VPS13B: variants seen among roughly 807,000 people sequenced by gnomAD.
VPS13B encodes vacuolar protein sorting 13 homolog B, also known as intermembrane lipid transfer protein VPS13B.
In VPS13B, 285 loss-of-function variants were observed where a neutral mutation model predicts 426.4. That is an observed-to-expected ratio of 0.67 (90% CI 0.61 to 0.74). VPS13B has a LOEUF of 0.74. Ranked by LOEUF, VPS13B falls within the 30% of genes least tolerant of loss-of-function variation. The pLI is 0.00. For synonymous variants in VPS13B, 1,676 were observed against 1,676.4 expected, an observed-to-expected ratio of 1.00 and a Z score of 0.01; for missense variants, 4,537 against 4,782.6, an observed-to-expected ratio of 0.95 and a Z score of 1.51.
Position 99,778,817 on chromosome 8 carries a change from A to C in VPS13B, c.7565A>C (p.Gln2522Pro). The C allele has an allele frequency of 1.2e-6, 2 of 1,614,012 alleles. No individual in the cohort carries two copies. The highest frequency in any genetic ancestry group is 1.7e-6 in the Non-Finnish European group (2 of 1,179,928). ...WNNGSVCQEIQFLAQADCKLL... is the reference protein window; with the variant it reads ...WNNGSVCQEIPFLAQADCKLL... Reference sequence around the variant, plus strand: ...AATGGTTCTGTCTGTCAGGAGATCCAGTTCTTAGCTCAAGCAGACTGTAAA... The same window carrying C: ...AATGGTTCTGTCTGTCAGGAGATCCCGTTCTTAGCTCAAGCAGACTGTAAA... The change falls in exon 42 of 62, where the codon CAG becomes CCG. Residue 2522 changes from glutamine to proline, a missense_variant. This residue lies in a region of VPS13B where 4,311 missense variants were observed against 4,474.3 expected (regional missense o/e 0.96). Transcript: ENST00000357162.
intron 35 of VPS13B, among the ~76,000 whole-genome samples, chr8:99,674,345 TTA>T (rs1207625366): frequency 6.6e-6 from 1 of 152,122 alleles, no homozygotes; most frequent in Non-Finnish European, 1.5e-5. Flanking sequence ...AGGACTTGCA[TTA>T]TCTCTTTTTA....
intron 3 of VPS13B, among the ~76,000 whole-genome samples, chr8:99,072,610 C>T (rs1844908910): frequency 1.3e-5 from 2 of 152,172 alleles, no homozygotes; most frequent in Admixed American, 6.5e-5. Context: ...TAATACCATT[C>T]GTGTATTTCT....
chr8:99,591,717 A>C (rs968012426), intron 33 of VPS13B, among the ~76,000 whole-genome samples: 2 of 152,100 alleles, frequency 1.3e-5, no homozygotes, highest in Non-Finnish European at 2.9e-5. Context: ...CTGCCAAGAG[A>C]TCAGCTGTTA....
chr8:99,363,273 C>T (rs954093782), intron 19 of VPS13B, among the ~76,000 whole-genome samples: 1 of 152,152 alleles, frequency 6.6e-6, no homozygotes, highest in African/African-American at 2.4e-5. Context: ...ATTGTCCTTT[C>T]CCCAATATGT....
At chr8:99,821,990 G>C (rs148004156) in intron 50 of VPS13B, among the ~76,000 whole-genome samples, 1 of 152,286 alleles carries the variant, frequency 6.6e-6, no homozygotes, top group East Asian at 1.9e-4. Flanking sequence ...TGGTGTCTAT[G>C]TTTTTGGAGA....
intron 19 of VPS13B, among the ~76,000 whole-genome samples, chr8:99,312,494 G>C (rs541418340): frequency 6.6e-6 from 1 of 152,156 alleles, no homozygotes; most frequent in African/African-American, 2.4e-5. Context: ...TTGAATATTG[G>C]CCCCCACTCT....
In VPS13B at chr8:99,420,197, A is replaced by G. The variant is rs189678130; in HGVS notation, c.3083-11340A>G. On this transcript the variant is annotated intron_variant, in intron 21 of 61. Transcript: ENST00000357162. ...TGAATTATTACAGCTGAACAAATGTATCTTGACTTTTTGATATGATGAAGT... is the reference window on the plus strand; with the variant it reads ...TGAATTATTACAGCTGAACAAATGTGTCTTGACTTTTTGATATGATGAAGT... Among the ~76,000 whole-genome samples, 16 of 152,274 alleles carry G rather than the reference A, an allele frequency of 1.1e-4. No homozygotes were observed. In the East Asian group the frequency reaches 2.5e-3, roughly 24 times the overall value.
In VPS13B at chr8:99,026,889, C is replaced by T. The variant is rs1320206700; in HGVS notation, c.148-11534C>T. 3.3e-5 allele frequency among the ~76,000 whole-genome samples: 5 copies of T among 151,720 alleles called. No individual in the cohort carries two copies. The East Asian group carries it at 7.7e-4, about 23-fold the overall frequency. On this transcript the variant is annotated intron_variant, in intron 2 of 61. Coordinates refer to ENST00000357162, the MANE Select transcript of VPS13B (RefSeq NM_152564.5). Reference sequence around the variant, plus strand: ...TGTTTTATTTATTTTTTTTTTCCCCCGCTCCGAGACGGAGTCTCACTCTGT... The same window carrying T: ...TGTTTTATTTATTTTTTTTTTCCCCTGCTCCGAGACGGAGTCTCACTCTGT...
chr8:99,036,483 T>G (rs1278687102), intron 2 of VPS13B, among the ~76,000 whole-genome samples: 1 of 152,208 alleles, frequency 6.6e-6, no homozygotes, highest in African/African-American at 2.4e-5. Flanking sequence ...TCATCATTTG[T>G]GTTTCACCTT....
At chr8:99,702,659 G>A (rs1446870816) in intron 36 of VPS13B, among the ~76,000 whole-genome samples, 2 of 152,050 alleles carry the variant, frequency 1.3e-5, no homozygotes. Flanking sequence ...TTTTTGATGT[G>A]CTGATTTTAA....
chr8:99,762,202 C>G (rs1453800152), intron 39 of VPS13B, among the ~76,000 whole-genome samples: 3 of 151,792 alleles, frequency 2.0e-5, no homozygotes, highest in Non-Finnish European at 4.4e-5. Context: ...ATTTTTTTTC[C>G]TCCTGTAGAG....
At chr8:99,608,096 T>C (rs1204164166) in intron 33 of VPS13B, among the ~76,000 whole-genome samples, 1 of 152,018 alleles carries the variant, frequency 6.6e-6, no homozygotes, top group African/African-American at 2.4e-5. Context: ...TTGTGGATAT[T>C]CTTCCTTGAT....
In VPS13B at chr8:99,832,388, G is replaced by A. The variant is rs1236179891; in HGVS notation, c.9350G>A (p.Ser3117Asn). The A allele has an allele frequency of 8.2e-7, 1 of 1,216,276 alleles. No individual in the cohort carries two copies. Among genetic ancestry groups the A allele is most frequent in the East Asian group, 3.3e-5 (1 of 30,478 alleles). The allele number at this position is 1,216,276 out of a possible 1,614,324, so 75.3% of individuals were successfully genotyped here. ...SGKEYFRVPD[S>N]ATFSICPGGE... is the part of the protein sequence containing the mutation. ...TTTTAGTATTTTCGTGTTCCAGACA[G>A]TGCTACTTTTAGCATTTGCCCAGGT... Residue 3117 changes from serine to asparagine, a missense_variant, in exon 52 of 62, where the codon AGT becomes AAT. Physicochemically the swap from Ser to Asn is conservative, Grantham distance 46. Transcript: ENST00000357162.
intron 17 of VPS13B, among the ~76,000 whole-genome samples, chr8:99,256,338 A>G (rs1250571380): frequency 1.3e-5 from 2 of 152,170 alleles, no homozygotes; most frequent in African/African-American, 4.8e-5. Context: ...TCTAGCTATT[A>G]TAAATAGTGA....
intron 30 of VPS13B, among the ~76,000 whole-genome samples, chr8:99,555,250 C>T (rs942108315): frequency 1.3e-5 from 2 of 152,098 alleles, no homozygotes. Flanking sequence ...ATTCACTGTC[C>T]ATTATCATTT....
intron 3 of VPS13B, among the ~76,000 whole-genome samples, chr8:99,046,327 G>C (rs897761664): frequency 6.6e-5 from 10 of 151,922 alleles, no homozygotes; most frequent in Non-Finnish European, 1.5e-4. Context: ...TTGAGTTCTT[G>C]ATTTGATTCT....
At chr8:99,246,721 C>G (rs1399535833) in intron 17 of VPS13B, among the ~76,000 whole-genome samples, 1 of 151,914 alleles carries the variant, frequency 6.6e-6, no homozygotes, top group East Asian at 1.9e-4. Context: ...CAAAAATTAG[C>G]TGGGCCTGGT....
intron 20 of VPS13B, among the ~76,000 whole-genome samples, chr8:99,390,500 G>A (rs942776510): frequency 6.6e-6 from 1 of 152,040 alleles, no homozygotes; most frequent in Non-Finnish European, 1.5e-5. Flanking sequence ...TTATTACATA[G>A]TTATATAATA....
chr8:99,064,344 A>G (rs1247512139), intron 3 of VPS13B, among the ~76,000 whole-genome samples: 4 of 152,196 alleles, frequency 2.6e-5, no homozygotes, highest in African/African-American at 9.6e-5. Context: ...CATTGCAAGG[A>G]AGCTAAAAAC....
Sources: allele counts gnomAD v4.1 joint callset (sites outside exome capture counted in the v4.1 genomes callset), GRCh38; gene constraint gnomAD v4.1.1; regional missense constraint gnomAD v4.1.1; transcripts MANE v1.5; gene names NCBI Gene and HGNC (gene_info 2026-07-23, HGNC 2026-07-21).